The following FAM135B variants were observed in gnomAD, a reference collection of about 807,000 sequenced individuals.
The protein encoded by FAM135B is protein FAM135B.
In FAM135B, 43 loss-of-function variants were observed where a neutral mutation model predicts 127.7. That is an observed-to-expected ratio of 0.34 (90% CI 0.26 to 0.43). The LOEUF (loss-of-function observed/expected upper bound fraction) is 0.43, where lower values mean the gene tolerates loss of function less well. Among genes scored for constraint, FAM135B ranks in the 20% least tolerant of loss-of-function variants. The pLI is 1.00. For missense variants in FAM135B, 1,558 were observed against 1,725.6 expected (o/e 0.90, Z 1.72); for synonymous variants, 670 against 665.1 (o/e 1.01, Z -0.11).
At chr8:138,349,464 A>G (rs1470701467) in intron 2 of FAM135B, among the ~76,000 whole-genome samples, 1 of 152,220 alleles carries the variant, frequency 6.6e-6, no homozygotes, top group East Asian at 1.9e-4. Flanking sequence ...GGATAATTAA[A>G]CGAAATGATG....
chr8:138,438,030 C>G (rs191528108), intron 1 of FAM135B: 1 of 152,164 alleles, frequency 6.6e-6, no homozygotes, highest in Non-Finnish European at 1.5e-5. Flanking sequence ...CTTCAATTCG[C>G]TCACCTGTAA....
chr8:138,207,829 C>T (rs916484808), intron 7 of FAM135B, among the ~76,000 whole-genome samples: 11 of 152,210 alleles, frequency 7.2e-5, no homozygotes, highest in African/African-American at 1.9e-4. Context: ...CCATCACTCT[C>T]GGCCCTGGGG....
chr8:138,161,543 T>A (rs1164371510), intron 12 of FAM135B, among the ~76,000 whole-genome samples: 1 of 152,214 alleles, frequency 6.6e-6, no homozygotes, highest in African/African-American at 2.4e-5. Flanking sequence ...GTTTAAATCC[T>A]CCACATGGTC....
chr8:138,448,421 G>C (rs1446750976), intron 1 of FAM135B, among the ~76,000 whole-genome samples: 1 of 152,092 alleles, frequency 6.6e-6, no homozygotes, highest in Non-Finnish European at 1.5e-5. Context: ...TTTTTCCTTA[G>C]ATTAGCTTGA....
At chr8:138,345,689 A>T (rs6577918) in intron 2 of FAM135B, among the ~76,000 whole-genome samples, 78,217 of 152,170 alleles carry the variant, frequency 0.51, 21,739 homozygotes, top group Non-Finnish European at 0.64. Flanking sequence ...GGCGACGACA[A>T]TGGACATCCC....
At chr8:138,262,108 A>G (rs1428704934) in intron 4 of FAM135B, among the ~76,000 whole-genome samples, 1 of 151,732 alleles carries the variant, frequency 6.6e-6, no homozygotes, top group Non-Finnish European at 1.5e-5. Context: ...TAGGAAGAAG[A>G]AAACAACATG....
intron 2 of FAM135B, among the ~76,000 whole-genome samples, chr8:138,356,781 AC>A: frequency 6.6e-6 from 1 of 152,206 alleles, no homozygotes; most frequent in African/African-American, 2.4e-5. Flanking sequence ...AGCCACGGAA[AC>A]CCTTACATCA....
chr8:138,282,331 T>C (rs1824327562), intron 3 of FAM135B, among the ~76,000 whole-genome samples: 1 of 152,114 alleles, frequency 6.6e-6, no homozygotes, highest in Admixed American at 6.5e-5. Context: ...ATAAGCTAGA[T>C]TTCATTAAAA....
intron 3 of FAM135B, among the ~76,000 whole-genome samples, chr8:138,295,896 G>A (rs1367357391): frequency 6.6e-6 from 1 of 152,142 alleles, no homozygotes; most frequent in Non-Finnish European, 1.5e-5. Context: ...TAAAAAAATT[G>A]AGGGGCAAAA....
At chr8:138,344,420 G>T (rs560469646) in intron 2 of FAM135B, among the ~76,000 whole-genome samples, 1 of 152,182 alleles carries the variant, frequency 6.6e-6, no homozygotes, top group South Asian at 2.1e-4. Context: ...CCACCTCGGG[G>T]TTGCACGACT....
At chr8:138,272,754 C>G (rs1823479537) in intron 3 of FAM135B, among the ~76,000 whole-genome samples, 1 of 152,184 alleles carries the variant, frequency 6.6e-6, no homozygotes, top group African/African-American at 2.4e-5. Context: ...CACTGGATTT[C>G]CTTCGATTGG....
chr8:138,467,437 G>A (rs1837440040), intron 1 of FAM135B, among the ~76,000 whole-genome samples: 1 of 152,110 alleles, frequency 6.6e-6, no homozygotes, highest in Non-Finnish European at 1.5e-5. Flanking sequence ...TATTTTACTA[G>A]CTACATTTCA....
At chr8:138,161,358 C>T (rs1460173201) in intron 12 of FAM135B, among the ~76,000 whole-genome samples, 2 of 149,974 alleles carry the variant, frequency 1.3e-5, no homozygotes, top group African/African-American at 2.5e-5. Flanking sequence ...CTTCTCTCTC[C>T]CTCTTTCTCT....
chr8:138,440,252 T>C (rs1835683035), intron 1 of FAM135B: 1 of 152,084 alleles, frequency 6.6e-6, no homozygotes, highest in Non-Finnish European at 1.5e-5. Context: ...CTCTTGCAAA[T>C]AAATGTCTCA....
chr8:138,227,180 T>C (rs1451706381), intron 7 of FAM135B, among the ~76,000 whole-genome samples: 1 of 152,242 alleles, frequency 6.6e-6, no homozygotes, highest in East Asian at 1.9e-4. Flanking sequence ...TCCAGTGACC[T>C]TTGACATGGC....
At chr8:138,198,486 T>G (rs141941839) in intron 7 of FAM135B, among the ~76,000 whole-genome samples, 3 of 152,252 alleles carry the variant, frequency 2.0e-5, no homozygotes, top group Non-Finnish European at 4.4e-5. Flanking sequence ...GAAAGACCCT[T>G]GTAGCAGGTG....
At chr8:138,380,173 CT>C (rs1237765999) in intron 1 of FAM135B, among the ~76,000 whole-genome samples, 1 of 151,902 alleles carries the variant, frequency 6.6e-6, no homozygotes, top group African/African-American at 2.4e-5. Flanking sequence ...GGGTTTCTTT[CT>C]TTTTTTCTTT....
In FAM135B at chr8:138,399,209, C is replaced by T. The variant is rs184941644; in HGVS notation, c.-19-31207G>A. On this transcript the variant is annotated intron_variant, in intron 1 of 19. Transcript: ENST00000395297. ...CTAGCTGAATTAATAATAGCATCCC[C>T]ATTAATTCTCAGAAGTGTCTGGCTT... Among the ~76,000 whole-genome samples, 36 of 152,246 alleles carry T rather than the reference C, an allele frequency of 2.4e-4. No individual in the cohort carries two copies. In the East Asian group the frequency reaches 6.9e-3, roughly 29 times the overall value.
intron 3 of FAM135B, among the ~76,000 whole-genome samples, chr8:138,310,516 G>T (rs900696921): frequency 6.6e-6 from 1 of 151,956 alleles, no homozygotes; most frequent in Non-Finnish European, 1.5e-5. Flanking sequence ...CCTTTAACAG[G>T]CTTCTCTACC....
Sources: allele counts gnomAD v4.1 joint callset (sites outside exome capture counted in the v4.1 genomes callset), GRCh38; gene constraint gnomAD v4.1.1; transcripts MANE v1.5; gene names NCBI Gene and HGNC (gene_info 2026-07-23, HGNC 2026-07-21).